The following SH3BGRL variants were observed in gnomAD, a reference collection of about 807,000 sequenced individuals.
SH3BGRL encodes SH3 domain binding glutamate rich protein like, also known as adapter SH3BGRL.
A neutral mutation model predicts 9.8 loss-of-function variants in SH3BGRL; 7 were observed. The ratio of observed to expected loss-of-function variants is 0.72; its 90% CI spans 0.41 to 1.35. The LOEUF (loss-of-function observed/expected upper bound fraction) is 1.35. Among genes scored for constraint, SH3BGRL ranks in the 40% most tolerant of loss-of-function variants. SH3BGRL has a pLI of 0.01. For missense variants in SH3BGRL, 73 were observed against 84.4 expected, an observed-to-expected ratio of 0.86 and a Z score of 0.53; for synonymous variants, 36 against 29.1, an observed-to-expected ratio of 1.24 and a Z score of -0.76.
chrX:81,242,798 A>G (rs951214567), intron 1 of SH3BGRL, among the ~76,000 whole-genome samples: 4 of 112,039 alleles, frequency 3.6e-5, no homozygotes, highest in Non-Finnish European at 7.5e-5. Context: ...GCTCAACATC[A>G]CTGATCACCA....
intron 1 of SH3BGRL, among the ~76,000 whole-genome samples, chrX:81,248,710 C>G (rs927841438): frequency 8.9e-6 from 1 of 112,010 alleles, no homozygotes; most frequent in Non-Finnish European, 1.9e-5. Flanking sequence ...TGGCATCCTG[C>G]TCTTAGCCTT....
intron 1 of SH3BGRL, among the ~76,000 whole-genome samples, chrX:81,262,004 C>T (rs1043180291): frequency 3.6e-5 from 4 of 110,975 alleles, no homozygotes; most frequent in East Asian, 5.7e-4. Flanking sequence ...TAAATATTTC[C>T]AAATAAGAGT....
chrX:81,255,100 G>A (rs966146964), intron 1 of SH3BGRL, among the ~76,000 whole-genome samples: 5 of 110,416 alleles, frequency 4.5e-5, no homozygotes, highest in African/African-American at 1.6e-4. Flanking sequence ...ATGTTGGCCA[G>A]GAGGTTCTCA....
chrX:81,213,249 T>C (rs776341441), intron 1 of SH3BGRL, among the ~76,000 whole-genome samples: 10 of 111,874 alleles, frequency 8.9e-5, no homozygotes, highest in Non-Finnish European at 1.7e-4. Context: ...TCCCAGTGAT[T>C]GAGGTAATCA....
At chrX:81,269,955 A>G (rs1223038789) in intron 1 of SH3BGRL, among the ~76,000 whole-genome samples, 2 of 110,002 alleles carry the variant, frequency 1.8e-5, no homozygotes, top group African/African-American at 6.6e-5. Context: ...TTCTTACTTT[A>G]TTTCATTAAT....
chrX:81,293,514 C>T (rs1466667213), intron 3 of SH3BGRL, among the ~76,000 whole-genome samples: 1 of 111,646 alleles, frequency 9.0e-6, no homozygotes, highest in Non-Finnish European at 1.9e-5. Flanking sequence ...GAAACCCTGT[C>T]TCTACTAAAA....
chrX:81,207,195 G>A (rs751183687), intron 1 of SH3BGRL, among the ~76,000 whole-genome samples: 4 of 112,029 alleles, frequency 3.6e-5, no homozygotes, highest in Admixed American at 2.8e-4. Context: ...GACCCATAAT[G>A]ATCTCCATTT....
intron 1 of SH3BGRL, among the ~76,000 whole-genome samples, chrX:81,257,811 C>T (rs774575410): frequency 9.1e-6 from 1 of 110,338 alleles, no homozygotes; most frequent in Non-Finnish European, 1.9e-5. Flanking sequence ...ATGGTGGGGC[C>T]ACATTAGAGT....
At chrX:81,258,783 T>C (rs5959862) in intron 1 of SH3BGRL, among the ~76,000 whole-genome samples, 1,702 of 112,078 alleles carry the variant, frequency 0.015, 39 homozygotes, top group African/African-American at 0.053. Flanking sequence ...GACAGTGCCT[T>C]TCCTACAATA....
rs994677605 is a variant in SH3BGRL, at chrX:81,290,101, A to T, written c.313-7094A>T. On this transcript the variant is annotated intron_variant, in intron 3 of 3. Coordinates refer to ENST00000373212, the MANE Select transcript of SH3BGRL (RefSeq NM_003022.3). ...ATACATGCTGGTAAGGATGAGGAGA[A>T]AAGGGATCATTCATACACTGTTGGT... 4.5e-5 allele frequency among the ~76,000 whole-genome samples: 5 copies of T among 112,022 alleles called. No homozygotes were observed. The East Asian group carries it at 1.4e-3, about 32-fold the overall frequency.
intron 1 of SH3BGRL, among the ~76,000 whole-genome samples, chrX:81,225,131 C>T (rs1602599010): frequency 9.0e-6 from 1 of 110,958 alleles, no homozygotes; most frequent in African/African-American, 3.3e-5. Flanking sequence ...GCTCTGACAT[C>T]TCCAGTACCA....
At chrX:81,293,594 G>T (rs928038548) in intron 3 of SH3BGRL, among the ~76,000 whole-genome samples, 15 of 111,940 alleles carry the variant, frequency 1.3e-4, no homozygotes, top group Admixed American at 1.0e-3. Context: ...GAGGCAGGAG[G>T]ATCACTTGAA....
rs750755142 is a variant in SH3BGRL, at chrX:81,281,919, A to G, written c.312+3508A>G. ...CAGAATGGATAAGAACTCGCCAACC[A>G]ACTATCTGCTGCCTTCAGGAGACTC... On this transcript the variant is annotated intron_variant, in intron 3 of 3. Coordinates refer to ENST00000373212, the MANE Select transcript of SH3BGRL (RefSeq NM_003022.3). Among the ~76,000 whole-genome samples the G allele has an allele frequency of 1.1e-4, 12 of 112,005 alleles. No homozygotes were observed. The East Asian group carries it at 3.4e-3, about 32-fold the overall frequency.
At chrX:81,283,147 A>G (rs1173453887) in intron 3 of SH3BGRL, among the ~76,000 whole-genome samples, 2 of 112,014 alleles carry the variant, frequency 1.8e-5, no homozygotes, top group South Asian at 3.7e-4. Flanking sequence ...TAAAAGACCA[A>G]TAACAGGCAT....
chrX:81,269,962 T>C (rs770603665), intron 1 of SH3BGRL, among the ~76,000 whole-genome samples: 26 of 110,748 alleles, frequency 2.3e-4, no homozygotes, highest in Non-Finnish European at 4.2e-4. Context: ...TTTATTTCAT[T>C]AATTTGATCT....
At chrX:81,285,365 T>A (rs2075831010) in intron 3 of SH3BGRL, among the ~76,000 whole-genome samples, 1 of 111,836 alleles carries the variant, frequency 8.9e-6, no homozygotes, top group Non-Finnish European at 1.9e-5. Flanking sequence ...AAACAGTTGC[T>A]ATAATACGTT....
Position 81,297,332 on chromosome X carries a change from T to C in SH3BGRL, c.*105T>C. 1 of 618,447 alleles carries C rather than the reference T, an allele frequency of 1.6e-6. No individual in the cohort carries two copies. The highest frequency in any genetic ancestry group is 2.5e-6 in the Non-Finnish European group (1 of 405,914). The allele number at this position is 618,447 out of a possible 1,213,427, so 51.0% of individuals were successfully genotyped here. ...AAAAGAAATAGGCTTAATGTTGAAA[T>C]AATAGATTAGTTGGGTTTTCACATG... On this transcript the variant is annotated 3_prime_UTR_variant, in exon 4 of 4. Coordinates refer to ENST00000373212, the MANE Select transcript of SH3BGRL (RefSeq NM_003022.3).
chrX:81,296,683 T>A (rs1226508967), intron 3 of SH3BGRL, among the ~76,000 whole-genome samples: 2 of 111,839 alleles, frequency 1.8e-5, no homozygotes, highest in African/African-American at 6.5e-5. Context: ...GTCAAGTAGG[T>A]CAGAGTTCCT....
chrX:81,243,721 A>T (rs781621008), intron 1 of SH3BGRL, among the ~76,000 whole-genome samples: 44 of 111,405 alleles, frequency 3.9e-4, no homozygotes, highest in African/African-American at 1.4e-3. Flanking sequence ...AATTAAAAAA[A>T]AATAAGTAAA....
Sources: allele counts gnomAD v4.1 joint callset (sites outside exome capture counted in the v4.1 genomes callset), GRCh38; gene constraint gnomAD v4.1.1; transcripts MANE v1.5; gene names NCBI Gene and HGNC (gene_info 2026-07-23, HGNC 2026-07-21).